PCDH15: variants seen among roughly 807,000 people sequenced by gnomAD.
The protein encoded by PCDH15 is protocadherin-15.
PCDH15 carries 129 observed loss-of-function variants against 178.5 expected under a neutral mutation model. The ratio of observed to expected loss-of-function variants is 0.72; its 90% CI spans 0.63 to 0.84. PCDH15 has a LOEUF of 0.84. PCDH15 is among the 40% of genes least tolerant of loss of function. PCDH15 has a pLI of 0.00. For missense variants in PCDH15, 2,230 were observed against 2,099.9 expected, an observed-to-expected ratio of 1.06 and a Z score of -1.21; for synonymous variants, 800 against 732.0, an observed-to-expected ratio of 1.09 and a Z score of -1.50.
intron 21 of PCDH15, among the ~76,000 whole-genome samples, chr10:53,969,252 G>A (rs991136566): frequency 1.3e-5 from 2 of 152,136 alleles, no homozygotes; most frequent in Non-Finnish European, 2.9e-5. Context: ...GGAAGAAAGG[G>A]TATCAGTGAT....
intron 5 of PCDH15, among the ~76,000 whole-genome samples, chr10:54,352,662 A>T (rs138921097): frequency 1.3e-5 from 2 of 152,284 alleles, no homozygotes; most frequent in East Asian, 3.9e-4. Context: ...ACCTTTAGTG[A>T]TGCAAGATTA....
intron 2 of PCDH15, among the ~76,000 whole-genome samples, chr10:55,123,204 G>A (rs898304502): frequency 1.1e-3 from 173 of 151,674 alleles, no homozygotes; most frequent in African/African-American, 4.1e-3. Context: ...TCTAAATTAT[G>A]AAAAAACATG....
intron 1 of PCDH15, among the ~76,000 whole-genome samples, chr10:54,757,640 TG>T (rs1947333441): frequency 6.6e-6 from 1 of 152,182 alleles, no homozygotes; most frequent in African/African-American, 2.4e-5. Flanking sequence ...GCCTTCTTTA[TG>T]GTAGTCACAG....
intron 4 of PCDH15, 112 bp downstream of exon 4, chr10:54,378,670 T>C: frequency 2.4e-6 from 3 of 1,229,314 alleles, no homozygotes; most frequent in East Asian, 2.5e-5. Flanking sequence ...GTTGCTATAC[T>C]CAGGAAATAA....
At chr10:53,873,013 T>C (rs993007159) in intron 26 of PCDH15, among the ~76,000 whole-genome samples, 5 of 152,248 alleles carry the variant, frequency 3.3e-5, no homozygotes, top group Non-Finnish European at 7.3e-5. Context: ...TATTGATCTC[T>C]GTCCTTTTCA....
chr10:54,815,726 T>C (rs1952936579), intron 3 of PCDH15, among the ~76,000 whole-genome samples: 1 of 151,936 alleles, frequency 6.6e-6, no homozygotes, highest in African/African-American at 2.4e-5. Flanking sequence ...CAAGAAAAAG[T>C]GGAATTGCTT....
intron 1 of PCDH15, among the ~76,000 whole-genome samples, chr10:54,716,714 C>T (rs1234898114): frequency 6.6e-6 from 1 of 151,952 alleles, no homozygotes; most frequent in Non-Finnish European, 1.5e-5. Flanking sequence ...AATGCCATCC[C>T]CATCAAGCTA....
chr10:54,050,340 G>C (rs2093741903), intron 18 of PCDH15, among the ~76,000 whole-genome samples: 1 of 152,074 alleles, frequency 6.6e-6, no homozygotes, highest in Non-Finnish European at 1.5e-5. Context: ...TTTCTAGTTT[G>C]TGTGCATAGA....
chr10:54,784,939 T>C (rs1950703988), intron 1 of PCDH15, among the ~76,000 whole-genome samples: 1 of 152,046 alleles, frequency 6.6e-6, no homozygotes, highest in African/African-American at 2.4e-5. Flanking sequence ...CATCGCATAC[T>C]GAACCCATTA....
chr10:55,266,714 G>T (rs73252118), intron 1 of PCDH15, among the ~76,000 whole-genome samples: 25,808 of 152,008 alleles, frequency 0.17, 3,001 homozygotes, highest in East Asian at 0.37. Flanking sequence ...AAAGCACACT[G>T]ACAGGTACTG....
intron 2 of PCDH15, among the ~76,000 whole-genome samples, chr10:54,898,714 T>C (rs2131823077): frequency 6.6e-6 from 1 of 152,284 alleles, no homozygotes; most frequent in East Asian, 1.9e-4. Context: ...CTTTCCTTTT[T>C]AAAATGTAGT....
chr10:54,823,821 A>G (rs182990324), intron 3 of PCDH15, among the ~76,000 whole-genome samples: 1 of 152,286 alleles, frequency 6.6e-6, no homozygotes, highest in Admixed American at 6.6e-5. Flanking sequence ...AAGACTAAAA[A>G]TAATTGTTCT....
intron 2 of PCDH15, among the ~76,000 whole-genome samples, chr10:55,559,523 T>C (rs1274808489): frequency 6.6e-6 from 1 of 152,000 alleles, no homozygotes; most frequent in East Asian, 1.9e-4. Context: ...AATGATGTCA[T>C]GGAGAATAGT....
At chr10:54,297,397 A>G (rs1462845861) in intron 8 of PCDH15, among the ~76,000 whole-genome samples, 6 of 152,182 alleles carry the variant, frequency 3.9e-5, no homozygotes, top group Non-Finnish European at 7.3e-5. Context: ...TTACAATACT[A>G]TCCTGCAGCT....
chr10:54,756,089 A>ACACACACACACACACT (rs143374986), intron 1 of PCDH15, among the ~76,000 whole-genome samples: 4,160 of 148,218 alleles, frequency 0.028, 76 homozygotes, highest in Admixed American at 0.058. Flanking sequence ...ACACACACAC[A>ACACACACACACACACT]CACACACAAA....
chr10:55,433,453 A>T (rs1838941472), intron 2 of PCDH15, among the ~76,000 whole-genome samples: 1 of 152,164 alleles, frequency 6.6e-6, no homozygotes, highest in Admixed American at 6.5e-5. Flanking sequence ...GAGCATCAAA[A>T]AACTACCTAT....
At chr10:54,389,566 G>A (rs1331465659) in intron 3 of PCDH15, among the ~76,000 whole-genome samples, 5 of 152,192 alleles carry the variant, frequency 3.3e-5, no homozygotes, top group East Asian at 1.9e-4. Flanking sequence ...GAACTTGTTC[G>A]AAATCCGTAT....
intron 2 of PCDH15, among the ~76,000 whole-genome samples, chr10:55,360,682 G>T (rs558148176): frequency 6.6e-6 from 1 of 151,854 alleles, no homozygotes; most frequent in Non-Finnish European, 1.5e-5. Context: ...TCACCTCAAG[G>T]CTCAAACAAT....
At chr10:55,426,065 A>T (rs1444531775) in intron 2 of PCDH15, among the ~76,000 whole-genome samples, 1 of 152,374 alleles carries the variant, frequency 6.6e-6, no homozygotes, top group African/African-American at 2.4e-5. Context: ...TTCAAGAAGT[A>T]TAACACTATG....
Sources: allele counts gnomAD v4.1 joint callset (sites outside exome capture counted in the v4.1 genomes callset), GRCh38; gene constraint gnomAD v4.1.1; transcripts MANE v1.5; gene names NCBI Gene and HGNC (gene_info 2026-07-23, HGNC 2026-07-21).